Variants in BIN3 observed in about 807,000 individuals in gnomAD.
BIN3 encodes bridging integrator 3.
A neutral mutation model predicts 38.2 loss-of-function variants in BIN3; 41 were observed. The ratio of observed to expected loss-of-function variants is 1.07; its 90% CI spans 0.84 to 1.39. BIN3 has a LOEUF of 1.39. BIN3 is among the 40% of genes most tolerant of loss of function. The pLI, the probability that BIN3 is intolerant of heterozygous loss-of-function variation, is 0.00. For synonymous variants in BIN3, 145 were observed against 122.6 expected, an observed-to-expected ratio of 1.18 and a Z score of -1.21; for missense variants, 361 against 324.3, an observed-to-expected ratio of 1.11 and a Z score of -0.87.
intron 6 of BIN3, chr8:22,625,232 G>A: frequency 4.4e-6 from 3 of 688,478 alleles, no homozygotes; most frequent in South Asian, 3.0e-5. Context: ...GTGACCAGGA[G>A]CAGTGCTCTC....
intron 1 of BIN3, among the ~76,000 whole-genome samples, chr8:22,649,859 C>CACACACACACACA (rs1563973928): frequency 6.0e-5 from 8 of 133,594 alleles, no homozygotes; most frequent in South Asian, 2.3e-4. Flanking sequence ...ACACACACAC[C>CACACACACACACA]CCCAAAGGAA....
Position 22,630,001 on chromosome 8 carries a change from T to A in BIN3, c.301A>T (p.Asn101Tyr), listed in dbSNP as rs1473161841. 1 of 1,609,618 alleles carries A rather than the reference T, an allele frequency of 6.2e-7. No individual in the cohort carries two copies. The highest frequency in any genetic ancestry group is 8.5e-7 in the Non-Finnish European group (1 of 1,177,766). Residue 101 changes from asparagine (N) to tyrosine (Y), a missense_variant, in exon 6 of 9, where the codon AAC becomes TAC. Coordinates refer to ENST00000276416, the MANE Select transcript of BIN3 (RefSeq NM_018688.6). ...TCGATCACAGTCTTCTGGATCTGGT[T>A]CACCTGTCAAAGAAAAACCCAAAGA... ...RMDAFNQEKV[N>Y]QIQKTVIEPL...
intron 2 of BIN3, among the ~76,000 whole-genome samples, chr8:22,638,167 T>G (rs1802432357): frequency 6.6e-6 from 1 of 152,232 alleles, no homozygotes; most frequent in African/African-American, 2.4e-5. Flanking sequence ...CTGCAGAAAC[T>G]GTCAAAGCCA....
At chr8:22,643,062 G>T (rs969098387) in intron 2 of BIN3, among the ~76,000 whole-genome samples, 2 of 152,158 alleles carry the variant, frequency 1.3e-5, no homozygotes. Flanking sequence ...TAAAGGTTGG[G>T]GTGCTGGGAG....
rs970468350 is a variant in BIN3, at chr8:22,628,002, G to A, written c.338+1962C>T. Among the ~76,000 whole-genome samples, 3 of 152,258 alleles carry A rather than the reference G, an allele frequency of 2.0e-5. No individual in the cohort carries two copies. In the East Asian group the frequency reaches 5.8e-4, roughly 29 times the overall value. On this transcript the variant is annotated intron_variant, in intron 6 of 8. Transcript: ENST00000276416. ...TACCCATGATCACTGCCCAATTCTT[G>A]TCTGTCCTAAGGCTCAATATCAAAC...
intron 1 of BIN3, among the ~76,000 whole-genome samples, chr8:22,648,894 C>CTTAT (rs369500575): frequency 2.0e-5 from 3 of 148,016 alleles, no homozygotes; most frequent in African/African-American, 7.5e-5. Flanking sequence ...TCCACATCAA[C>CTTAT]GTATGTATGT....
At position 22,630,668 on chromosome 8, in the gene BIN3, C is replaced by T. The variant is rs887444339; in HGVS notation, c.161-90G>A. 5 of 1,483,926 alleles carry T rather than the reference C, an allele frequency of 3.4e-6. No homozygotes were observed. In the African/African-American group the frequency reaches 7.0e-5, roughly 21 times the overall value. The allele number at this position is 1,483,926 out of a possible 1,614,324, so 91.9% of individuals were successfully genotyped here. On this transcript the variant is annotated intron_variant, in intron 4 of 8. Coordinates refer to ENST00000276416, the MANE Select transcript of BIN3 (RefSeq NM_018688.6). The stretch of plus-strand genomic sequence containing the variant: ...GACCCCGTCCTCCTATGCCAGGGGC[C>T]TGCACCCTGAAGACCTCTTCCCACA...
chr8:22,623,911 T>C lies in BIN3; in HGVS notation c.615+4A>G. The C allele has an allele frequency of 1.9e-6, 3 of 1,611,118 alleles. No homozygotes were observed. Among genetic ancestry groups the C allele is most frequent in the Non-Finnish European group, 2.5e-6 (3 of 1,179,080 alleles). ...CCCAGGGGAAGAGCACCTGGCGGCC[T>C]CACCTGAGCTCGGATGAGGGACTCA... On this transcript the variant is annotated splice_donor_region_variant and intron_variant, in intron 8 of 8. Coordinates refer to ENST00000276416, the MANE Select transcript of BIN3 (RefSeq NM_018688.6).
intron 1 of BIN3, among the ~76,000 whole-genome samples, chr8:22,648,930 T>TGTAC (rs1324284439): frequency 4.6e-5 from 6 of 130,858 alleles, no homozygotes; most frequent in Non-Finnish European, 7.0e-5. Context: ...TATGTATGTA[T>TGTAC]GTATGTATGT....
chr8:22,666,324 G>A (rs1179344135), intron 1 of BIN3, among the ~76,000 whole-genome samples: 1 of 148,398 alleles, frequency 6.7e-6, no homozygotes, highest in East Asian at 2.0e-4. Flanking sequence ...GGAGACAAGA[G>A]GGAGACAGAA....
chr8:22,644,022 C>A (rs371810668), intron 2 of BIN3, among the ~76,000 whole-genome samples: 1 of 152,332 alleles, frequency 6.6e-6, no homozygotes, highest in East Asian at 1.9e-4. Flanking sequence ...CAGGGGCTCA[C>A]GCCTGAGTTC....
At chr8:22,661,762 C>T (rs768432980) in intron 1 of BIN3, among the ~76,000 whole-genome samples, 2 of 152,002 alleles carry the variant, frequency 1.3e-5, no homozygotes, top group Non-Finnish European at 2.9e-5. Flanking sequence ...CTGGTACATA[C>T]AGCTCTATTT....
At chr8:22,650,773 A>C in intron 1 of BIN3, among the ~76,000 whole-genome samples, 1 of 152,230 alleles carries the variant, frequency 6.6e-6, no homozygotes, top group East Asian at 1.9e-4. Flanking sequence ...AATCTACTTT[A>C]GCTATTGACT....
In BIN3 at chr8:22,652,624, C is replaced by A. The variant is rs1358547927; in HGVS notation, c.9-7821G>T. Among the ~76,000 whole-genome samples, 3 of 152,198 alleles carry A rather than the reference C, an allele frequency of 2.0e-5. No individual in the cohort carries two copies. The East Asian group carries it at 5.8e-4, about 29-fold the overall frequency. ...CCCACCCTCAGCTGTGCTGGCTGCC[C>A]TCTCAGAGGCGGGTTTGAAGTTTAT... On this transcript the variant is annotated intron_variant, in intron 1 of 8. Transcript: ENST00000276416.
chr8:22,652,949 G>A (rs938130606), intron 1 of BIN3, among the ~76,000 whole-genome samples: 3 of 152,244 alleles, frequency 2.0e-5, no homozygotes, highest in Admixed American at 6.5e-5. Context: ...ATGGTTGTTC[G>A]AAATTTTTCT....
At chr8:22,640,729 G>A (rs1159465132) in intron 2 of BIN3, among the ~76,000 whole-genome samples, 1 of 152,080 alleles carries the variant, frequency 6.6e-6, no homozygotes, top group African/African-American at 2.4e-5. Context: ...GTGTGCCGAT[G>A]TGTGTGGGAT....
At chr8:22,636,465 G>A (rs3735899) in intron 4 of BIN3, 60 bp downstream of exon 4, 2 of 1,516,764 alleles carry the variant, frequency 1.3e-6, no homozygotes, top group Non-Finnish European at 9.0e-7. Flanking sequence ...GCTGAGAGAG[G>A]AGGGTGCCCA....
chr8:22,663,114 G>T (rs930133531), intron 1 of BIN3, among the ~76,000 whole-genome samples: 1 of 152,226 alleles, frequency 6.6e-6, no homozygotes, highest in East Asian at 1.9e-4. Context: ...GCAAGAGCCT[G>T]TCTCAAAAAA....
intron 1 of BIN3, among the ~76,000 whole-genome samples, chr8:22,648,913 A>C (rs1383099261): frequency 1.3e-5 from 2 of 151,322 alleles, no homozygotes; most frequent in Non-Finnish European, 3.0e-5. Flanking sequence ...GTATGTATGT[A>C]TGTATGTATG....
Sources: gnomAD v4.1 joint callset for allele counts (sites outside exome capture counted in the v4.1 genomes callset) on GRCh38, gnomAD v4.1.1 for gene constraint, MANE v1.5 for transcripts, NCBI Gene and HGNC (gene_info 2026-07-23, HGNC 2026-07-21) for gene names.